Variants in THRB observed in about 807,000 individuals in gnomAD.
The protein encoded by THRB is thyroid hormone receptor beta.
THRB carries 12 observed loss-of-function variants against 47.8 expected under a neutral mutation model. The ratio of observed to expected loss-of-function variants is 0.25; its 90% confidence interval spans 0.16 to 0.41. THRB has a LOEUF of 0.41. Ranked by LOEUF, THRB falls within the 10% of genes least tolerant of loss-of-function variation. The pLI, the probability that THRB is intolerant of heterozygous loss-of-function variation, is 1.00. For missense variants in THRB, 348 were observed against 589.2 expected (o/e 0.59, Z 4.24); for synonymous variants, 218 against 212.2 (o/e 1.03, Z -0.24).
At chr3:24,418,572 G>A (rs1043687444) in intron 1 of THRB, among the ~76,000 whole-genome samples, 1 of 151,824 alleles carries the variant, frequency 6.6e-6, no homozygotes, top group Admixed American at 6.6e-5. Flanking sequence ...TAAAGCAATG[G>A]TTCTCCCACT....
At chr3:24,255,753 G>C (rs753725236) in intron 3 of THRB, among the ~76,000 whole-genome samples, 1 of 152,222 alleles carries the variant, frequency 6.6e-6, no homozygotes, top group Non-Finnish European at 1.5e-5. Context: ...GATGAGTCTG[G>C]AGAGACAGAC....
At chr3:24,161,653 C>CAG (rs985125430) in intron 5 of THRB, among the ~76,000 whole-genome samples, 1 of 150,598 alleles carries the variant, frequency 6.6e-6, no homozygotes, top group Non-Finnish European at 1.5e-5. Flanking sequence ...CACACACACA[C>CAG]AGACAGAATT....
chr3:24,478,820 G>C (rs945906651), intron 1 of THRB, among the ~76,000 whole-genome samples: 1 of 152,184 alleles, frequency 6.6e-6, no homozygotes, highest in Non-Finnish European at 1.5e-5. Flanking sequence ...AAAAGCTTAG[G>C]GGGTGGGGAG....
chr3:24,474,381 A>G (rs554984596), intron 1 of THRB, among the ~76,000 whole-genome samples: 10 of 152,306 alleles, frequency 6.6e-5, no homozygotes, highest in African/African-American at 2.4e-4. Flanking sequence ...CATTTGGCCC[A>G]TCATACTCTT....
intron 5 of THRB, among the ~76,000 whole-genome samples, chr3:24,179,065 C>G (rs1450762852): frequency 6.6e-6 from 1 of 152,138 alleles, no homozygotes. Flanking sequence ...TGGCCTGGAT[C>G]CCAGACCGGA....
At chr3:24,397,778 TTTCACTATG>T (rs1404124724) in intron 1 of THRB, among the ~76,000 whole-genome samples, 20 of 151,758 alleles carry the variant, frequency 1.3e-4, no homozygotes, top group African/African-American at 4.4e-4. Flanking sequence ...AGAGACGGGG[TTTCACTATG>T]TTGGTCAGGC....
intron 4 of THRB, among the ~76,000 whole-genome samples, chr3:24,218,217 G>A (rs1313238488): frequency 6.6e-6 from 1 of 151,534 alleles, no homozygotes; most frequent in Non-Finnish European, 1.5e-5. Context: ...GCAGTGAGCC[G>A]AGATTGCGCC....
chr3:24,301,080 T>A (rs2056904587), intron 2 of THRB, among the ~76,000 whole-genome samples: 1 of 152,142 alleles, frequency 6.6e-6, no homozygotes, highest in Admixed American at 6.5e-5. Context: ...AGGCAGAGAC[T>A]GGAATTACAC....
intron 3 of THRB, among the ~76,000 whole-genome samples, chr3:24,268,489 G>A (rs560069194): frequency 1.3e-5 from 2 of 152,270 alleles, no homozygotes; most frequent in East Asian, 3.9e-4. Context: ...ATTTTATGGG[G>A]ATCTTTTGAA....
chr3:24,352,474 T>C (rs1009409478), intron 1 of THRB, among the ~76,000 whole-genome samples: 2 of 152,120 alleles, frequency 1.3e-5, no homozygotes, highest in African/African-American at 4.8e-5. Flanking sequence ...ACAAGGAATG[T>C]AACAGGGCTT....
intron 2 of THRB, among the ~76,000 whole-genome samples, chr3:24,323,410 G>A (rs930428742): frequency 2.0e-5 from 3 of 152,140 alleles, no homozygotes; most frequent in Non-Finnish European, 4.4e-5. Context: ...TGGAGTGCAA[G>A]AGCTCCACTT....
chr3:24,304,830 C>T (rs1234880340), intron 2 of THRB, among the ~76,000 whole-genome samples: 1 of 151,946 alleles, frequency 6.6e-6, no homozygotes, highest in Non-Finnish European at 1.5e-5. Context: ...GAAAAACATG[C>T]ACACAAAAAT....
intron 1 of THRB, among the ~76,000 whole-genome samples, chr3:24,392,373 T>A (rs2066640778): frequency 1.3e-5 from 2 of 152,164 alleles, no homozygotes; most frequent in South Asian, 4.1e-4. Flanking sequence ...TTATATTTTC[T>A]TTGTGATGGG....
chr3:24,478,585 A>T (rs1695835012), intron 1 of THRB, among the ~76,000 whole-genome samples: 1 of 140,278 alleles, frequency 7.1e-6, no homozygotes, highest in Non-Finnish European at 1.6e-5. Flanking sequence ...GAAAAAAGAG[A>T]TAGAGGAAGA....
At chr3:24,205,872 T>G (rs1447733270) in intron 4 of THRB, among the ~76,000 whole-genome samples, 1 of 152,040 alleles carries the variant, frequency 6.6e-6, no homozygotes, top group Non-Finnish European at 1.5e-5. Flanking sequence ...TAAAACAGAC[T>G]TTAAACCAAC....
intron 1 of THRB, among the ~76,000 whole-genome samples, chr3:24,438,542 T>C (rs2071217589): frequency 6.6e-6 from 1 of 150,524 alleles, no homozygotes; most frequent in African/African-American, 2.5e-5. Flanking sequence ...TGTGTGCACA[T>C]GCATTCTTTC....
intron 5 of THRB, among the ~76,000 whole-genome samples, chr3:24,179,605 C>A (rs181701906): frequency 9.2e-5 from 14 of 152,092 alleles, no homozygotes; most frequent in Admixed American, 3.3e-4. Context: ...TCCAAGAAAA[C>A]GTACAATTTA....
chr3:24,308,259 G>C (rs2057501552), intron 2 of THRB, among the ~76,000 whole-genome samples: 1 of 152,176 alleles, frequency 6.6e-6, no homozygotes, highest in South Asian at 2.1e-4. Context: ...TTAAAATAAT[G>C]ATATTATCAA....
At chr3:24,194,666 T>G (rs566110611) in intron 4 of THRB, among the ~76,000 whole-genome samples, 1 of 152,308 alleles carries the variant, frequency 6.6e-6, no homozygotes, top group East Asian at 1.9e-4. Flanking sequence ...TGATCCAAAG[T>G]GTTCTTTTGC....
Sources: gnomAD v4.1 joint callset for allele counts (sites outside exome capture counted in the v4.1 genomes callset) on GRCh38, gnomAD v4.1.1 for gene constraint, MANE v1.5 for transcripts, NCBI Gene and HGNC (gene_info 2026-07-23, HGNC 2026-07-21) for gene names.